Variants in TUBB8B observed in about 807,000 individuals in gnomAD.
TUBB8B encodes HSA18p11 beta-tubulin 4Q pseudogene.
Under a neutral mutation model 31.9 loss-of-function variants are expected in TUBB8B, and 26 were observed. The observed-to-expected ratio is 0.81, with a 90% CI of 0.60 to 1.13. TUBB8B has a LOEUF of 1.13. TUBB8B is among the 50% of genes most tolerant of loss of function. The pLI is 0.00. For synonymous variants in TUBB8B, 173 were observed against 231.0 expected (o/e 0.75, Z 2.28); for missense variants, 467 against 586.7 (o/e 0.80, Z 2.11).
intron 3 of TUBB8B, 197 bp from the exon 4 acceptor site, chr18:48,644 C>G: frequency 1.5e-6 from 1 of 669,622 alleles, no homozygotes; most frequent in Non-Finnish European, 2.7e-6. Context: ...GGAGTCAAAC[C>G]TGAGACGGGT....
chr18:48,962 G>C lies in TUBB8B; in HGVS notation c.255C>G (p.Phe85Leu). ...CACCGGAAATGAAGTTGTCTGGCCT[G>C]AAGACCTGCCCGAAGGGCCCCGAGT... ...SVHSGPFGQV[F>L]RPDNFISGQC... The change falls in exon 3 of 4, where the codon TTC (phenylalanine) becomes TTG (leucine). Residue 85 changes from phenylalanine (F) to leucine (L), a missense_variant. This residue lies in a region of TUBB8B where 259 missense variants were observed against 380.1 expected (regional missense o/e 0.68). Transcript: ENST00000308911. The C allele has an allele frequency of 6.2e-7, 1 of 1,605,384 alleles. No homozygotes were observed. The highest frequency in any genetic ancestry group is 8.5e-7 in the Non-Finnish European group (1 of 1,173,820).
the TUBB8B span, among the ~76,000 whole-genome samples, chr18:61,496 C>G: frequency 1.3e-5 from 2 of 151,444 alleles, no homozygotes; most frequent in Non-Finnish European, 3.0e-5. Flanking sequence ...TACTTGTTTT[C>G]TGATTGATTT....
chr18:72,685 C>A, the TUBB8B span, among the ~76,000 whole-genome samples: 3 of 152,098 alleles, frequency 2.0e-5, no homozygotes, highest in Admixed American at 2.0e-4. Flanking sequence ...GGAGCACTGA[C>A]CAGGCGACGT....
the TUBB8B span, among the ~76,000 whole-genome samples, chr18:61,517 A>G: frequency 6.8e-4 from 103 of 151,132 alleles, 2 homozygotes; most frequent in Non-Finnish European, 1.3e-3. Flanking sequence ...TTGTCCTCTC[A>G]TTGTTCTTTT....
chr18:73,285 A>C, the TUBB8B span: 1 of 164,314 alleles, frequency 6.1e-6, no homozygotes, highest in African/African-American at 2.4e-5. Flanking sequence ...CTGCACTCGC[A>C]GCGCGGGCAG....
At chr18:63,157 G>A in the TUBB8B span, among the ~76,000 whole-genome samples, 1 of 151,612 alleles carries the variant, frequency 6.6e-6, no homozygotes, top group South Asian at 2.1e-4. Context: ...TGTTTGGTGA[G>A]GTCATGTTTT....
the TUBB8B span, among the ~76,000 whole-genome samples, chr18:68,634 C>T: frequency 5.3e-5 from 8 of 152,314 alleles, no homozygotes; most frequent in South Asian, 1.5e-3. Flanking sequence ...CACCCGCCCA[C>T]AGCTGGTGAT....
At chr18:70,889 A>G in the TUBB8B span, among the ~76,000 whole-genome samples, 1 of 148,664 alleles carries the variant, frequency 6.7e-6, no homozygotes, top group African/African-American at 2.5e-5. Flanking sequence ...CAGTGAGCCG[A>G]GATCTCACCA....
chr18:57,686 C>T, the TUBB8B span, among the ~76,000 whole-genome samples: 1 of 151,896 alleles, frequency 6.6e-6, no homozygotes, highest in Non-Finnish European at 1.5e-5. Flanking sequence ...CTAGGCCATG[C>T]CCCAGTGGGG....
At chr18:55,917 C>T in the TUBB8B span, among the ~76,000 whole-genome samples, 2 of 151,816 alleles carry the variant, frequency 1.3e-5, no homozygotes, top group African/African-American at 4.8e-5. Flanking sequence ...CAAACCAATG[C>T]CCTAAAGAGT....
At position 47,470 on chromosome 18, in the gene TUBB8B, C is replaced by T; in HGVS notation, c.1255G>A (p.Val419Met). 2 of 1,483,502 alleles carry T rather than the reference C, an allele frequency of 1.3e-6. No homozygotes were observed. The highest frequency in any genetic ancestry group is 1.4e-5 in the African/African-American group (1 of 71,406). 91.9% of individuals were successfully genotyped at this position (1,483,502 alleles called of 1,614,324 possible). A position where few individuals can be genotyped will look rare whatever the true frequency, so the allele number is the denominator to read the frequency against. Residue 419 changes from valine (V) to methionine (M), a missense_variant, in exon 4 of 4, where the codon GTG becomes ATG. Transcript: ENST00000308911. ...TEAESNMNDL[V>M]SEYQQYQDAT... ...TCCTGATATTGCTGATATTCAGACA[C>T]CAGGTCGTTCATGTTGCTCTCGGCC...
chr18:53,616 G>C (rs187140583), upstream of TUBB8B, among the ~76,000 whole-genome samples: 7 of 151,772 alleles, frequency 4.6e-5, 1 homozygote, highest in Admixed American at 4.6e-4. Context: ...TTACAGGCAT[G>C]AATCACCACA....
At chr18:51,908 G>A (rs1906122843), upstream of TUBB8B, among the ~76,000 whole-genome samples, 1 of 151,678 alleles carries the variant, frequency 6.6e-6, no homozygotes, top group Non-Finnish European at 1.5e-5. Context: ...TTAGCAGCAT[G>A]AGAGCAGACT....
the TUBB8B span, among the ~76,000 whole-genome samples, chr18:70,738 G>A: frequency 6.6e-6 from 1 of 151,760 alleles, no homozygotes; most frequent in Non-Finnish European, 1.5e-5. Context: ...GATCACCTGA[G>A]GTCTGGAGTT....
At chr18:63,469 T>A in the TUBB8B span, among the ~76,000 whole-genome samples, 8 of 151,596 alleles carry the variant, frequency 5.3e-5, no homozygotes, top group African/African-American at 1.9e-4. Flanking sequence ...CTAAGCCATG[T>A]GGAGCTGGAG....
chr18:54,569 ACTCT>A (rs112084678), upstream of TUBB8B, among the ~76,000 whole-genome samples: 7 of 151,666 alleles, frequency 4.6e-5, no homozygotes, highest in African/African-American at 1.4e-4. Flanking sequence ...CCACCCTTAT[ACTCT>A]CTATGACATC....
the TUBB8B span, among the ~76,000 whole-genome samples, chr18:60,662 CTAT>C: frequency 6.6e-6 from 1 of 151,516 alleles, no homozygotes; most frequent in Non-Finnish European, 1.5e-5. Context: ...TGCTATGTTT[CTAT>C]TATTGTTTGT....
the TUBB8B span, among the ~76,000 whole-genome samples, chr18:66,618 C>G: frequency 3.3e-5 from 5 of 152,092 alleles, no homozygotes; most frequent in African/African-American, 1.2e-4. Flanking sequence ...AAATTCAGTT[C>G]TATTGATTTA....
At chr18:58,484 C>T in the TUBB8B span, among the ~76,000 whole-genome samples, 3 of 151,654 alleles carry the variant, frequency 2.0e-5, no homozygotes, top group Admixed American at 6.6e-5. Flanking sequence ...ATTCAGCCAA[C>T]CACTTTGCTA....
Sources: gnomAD v4.1 joint callset for allele counts (sites outside exome capture counted in the v4.1 genomes callset) on GRCh38, gnomAD v4.1.1 for gene constraint, gnomAD v4.1.1 regional missense constraint, MANE v1.5 for transcripts, NCBI Gene and HGNC (gene_info 2026-07-23, HGNC 2026-07-21) for gene names.